The following CTIF variants were observed in gnomAD, a reference collection of about 807,000 sequenced individuals.
The protein encoded by CTIF is CBP80/20-dependent translation initiation factor.
In CTIF, 21 loss-of-function variants were observed where a neutral mutation model predicts 66.0. That is an observed-to-expected ratio of 0.32 (90% confidence interval 0.23 to 0.46). The LOEUF is 0.46. CTIF is among the 20% of genes least tolerant of loss of function. CTIF has a pLI of 1.00. For synonymous variants in CTIF, 345 were observed against 326.4 expected (o/e 1.06, Z -0.62); for missense variants, 739 against 812.7 (o/e 0.91, Z 1.10).
intron 6 of CTIF, among the ~76,000 whole-genome samples, chr18:48,674,086 C>T (rs989002244): frequency 6.6e-6 from 1 of 152,232 alleles, no homozygotes; most frequent in Non-Finnish European, 1.5e-5. Flanking sequence ...AAATCTTCCT[C>T]TTTCCTTCAC....
At chr18:48,701,530 T>TCCCCCAGCCACGCTGGGGGC (rs142329172) in intron 6 of CTIF, among the ~76,000 whole-genome samples, 4 of 151,488 alleles carry the variant, frequency 2.6e-5, no homozygotes, top group African/African-American at 9.7e-5. Flanking sequence ...AGTGCCTCCG[T>TCCCCCAGCCACGCTGGGGGC]CCCCCAGCCC....
chr18:48,705,805 CA>C (rs1196211501), intron 6 of CTIF, among the ~76,000 whole-genome samples: 2 of 152,276 alleles, frequency 1.3e-5, no homozygotes, highest in East Asian at 3.8e-4. Flanking sequence ...CTTAGAGCTC[CA>C]CTCAACTATC....
At chr18:48,672,085 G>A (rs1476231548) in intron 6 of CTIF, among the ~76,000 whole-genome samples, 2 of 132,578 alleles carry the variant, frequency 1.5e-5, no homozygotes, top group Admixed American at 1.5e-4. Context: ...TAATGCTCCT[G>A]GCTTGACTGC....
chr18:48,715,469 A>AGTTGGAGACCT (rs2092271105), intron 7 of CTIF, among the ~76,000 whole-genome samples: 1 of 152,152 alleles, frequency 6.6e-6, no homozygotes, highest in Non-Finnish European at 1.5e-5. Flanking sequence ...GCCCCATGCA[A>AGTTGGAGACCT]GTTGGAGACC....
At chr18:48,730,975 G>C (rs1954041187) in intron 7 of CTIF, among the ~76,000 whole-genome samples, 1 of 152,174 alleles carries the variant, frequency 6.6e-6, no homozygotes, top group Non-Finnish European at 1.5e-5. Flanking sequence ...CCAGCCCAGA[G>C]AGGCAGGCAT....
chr18:48,821,532 C>T (rs1274659174), intron 10 of CTIF, among the ~76,000 whole-genome samples: 2 of 152,256 alleles, frequency 1.3e-5, no homozygotes, highest in Non-Finnish European at 2.9e-5. Flanking sequence ...GTGCATAACT[C>T]AGCACCTATA....
At chr18:48,680,565 C>T (rs985004696) in intron 6 of CTIF, among the ~76,000 whole-genome samples, 15 of 152,380 alleles carry the variant, frequency 9.8e-5, no homozygotes, top group African/African-American at 3.6e-4. Flanking sequence ...GAGGCAGACC[C>T]ACCCTGCACA....
In CTIF at chr18:48,580,891, G is replaced by A. The variant is rs76504655; in HGVS notation, c.-28-38647G>A. Reference sequence around the variant, plus strand: ...GGCAGGATGTGGATTCACCAGGGCCGGGGGCACGGGATTGGATATCAACTA... The same window carrying A: ...GGCAGGATGTGGATTCACCAGGGCCAGGGGCACGGGATTGGATATCAACTA... On this transcript the variant is annotated intron_variant, in intron 1 of 11. Coordinates refer to ENST00000256413, the MANE Select transcript of CTIF (RefSeq NM_014772.3). 1.6e-4 allele frequency among the ~76,000 whole-genome samples: 25 copies of A among 152,348 alleles called. No individual in the cohort carries two copies. The East Asian group carries it at 3.9e-3, about 24-fold the overall frequency.
chr18:48,648,596 T>A (rs2091098081), intron 3 of CTIF, among the ~76,000 whole-genome samples: 1 of 152,122 alleles, frequency 6.6e-6, no homozygotes, highest in East Asian at 1.9e-4. Flanking sequence ...AGTTGCTCTC[T>A]GAGAAGATTC....
chr18:48,570,173 A>C (rs1477729761), intron 1 of CTIF, among the ~76,000 whole-genome samples: 1 of 152,174 alleles, frequency 6.6e-6, no homozygotes, highest in Non-Finnish European at 1.5e-5. Flanking sequence ...AGCTGTGGAG[A>C]GGCTGAATGG....
chr18:48,658,162 ATGTG>A (rs910696214), intron 3 of CTIF, among the ~76,000 whole-genome samples: 33 of 151,514 alleles, frequency 2.2e-4, no homozygotes, highest in East Asian at 7.8e-4. Flanking sequence ...TTTGTGTGTG[ATGTG>A]TGTGTATGTG....
At chr18:48,770,533 C>T (rs532535065) in intron 9 of CTIF, among the ~76,000 whole-genome samples, 1 of 152,352 alleles carries the variant, frequency 6.6e-6, no homozygotes, top group Non-Finnish European at 1.5e-5. Flanking sequence ...GTGGCCATTG[C>T]CCTGTGTTGT....
At chr18:48,597,938 C>T (rs991136194) in intron 1 of CTIF, among the ~76,000 whole-genome samples, 1 of 152,206 alleles carries the variant, frequency 6.6e-6, no homozygotes, top group African/African-American at 2.4e-5. Context: ...GACCCAGTGG[C>T]CAGTGCAGGG....
chr18:48,785,400 C>A (rs529635107), intron 9 of CTIF, among the ~76,000 whole-genome samples: 1 of 152,310 alleles, frequency 6.6e-6, no homozygotes, highest in South Asian at 2.1e-4. Flanking sequence ...TCATGAGGCT[C>A]CCACCACTGC....
intron 10 of CTIF, among the ~76,000 whole-genome samples, chr18:48,833,464 C>G (rs1034918127): frequency 5.9e-5 from 9 of 152,102 alleles, no homozygotes; most frequent in African/African-American, 2.2e-4. Context: ...CATTTCCTCT[C>G]TCTAAATGCC....
At chr18:48,659,642 G>T (rs535849164) in intron 3 of CTIF, among the ~76,000 whole-genome samples, 10 of 152,204 alleles carry the variant, frequency 6.6e-5, no homozygotes, top group Non-Finnish European at 1.2e-4. Context: ...GCAGGAGGCC[G>T]GTCAGTGTGA....
chr18:48,682,668 G>C (rs560519215), intron 6 of CTIF, among the ~76,000 whole-genome samples: 3 of 152,166 alleles, frequency 2.0e-5, no homozygotes, highest in Non-Finnish European at 4.4e-5. Flanking sequence ...TCAAATGAAG[G>C]ACAAAGAATT....
intron 3 of CTIF, among the ~76,000 whole-genome samples, chr18:48,645,371 T>C (rs1295002396): frequency 6.7e-6 from 1 of 149,208 alleles, no homozygotes; most frequent in Non-Finnish European, 1.5e-5. Flanking sequence ...AGGAAAATGA[T>C]AGGAAAAGAT....
chr18:48,593,883 A>G (rs776163522), intron 1 of CTIF, among the ~76,000 whole-genome samples: 1 of 152,036 alleles, frequency 6.6e-6, no homozygotes, highest in Non-Finnish European at 1.5e-5. Flanking sequence ...AGGCCCAGTG[A>G]TGCTGGGAAC....
Sources: gnomAD v4.1 joint callset for allele counts (sites outside exome capture counted in the v4.1 genomes callset) on GRCh38, gnomAD v4.1.1 for gene constraint, MANE v1.5 for transcripts, NCBI Gene and HGNC (gene_info 2026-07-23, HGNC 2026-07-21) for gene names.